ASTN1: variants seen among roughly 807,000 people sequenced by gnomAD.
ASTN1 encodes the protein astrotactin-1.
In ASTN1, 41 loss-of-function variants were observed where a neutral mutation model predicts 140.7. The ratio of observed to expected loss-of-function variants is 0.29; its 90% CI spans 0.23 to 0.38. ASTN1 has a LOEUF of 0.38. Among genes scored for constraint, ASTN1 ranks in the 10% least tolerant of loss-of-function variants. The pLI is 1.00. For synonymous variants in ASTN1, 640 were observed against 652.2 expected (o/e 0.98, Z 0.29); for missense variants, 1,479 against 1,678.8 (o/e 0.88, Z 2.08).
chr1:177,041,740 C>T (rs1232887053), intron 2 of ASTN1, among the ~76,000 whole-genome samples: 1 of 152,222 alleles, frequency 6.6e-6, no homozygotes, highest in African/African-American at 2.4e-5. Flanking sequence ...GCAGTATATG[C>T]TAATGACCAT....
At chr1:177,154,079 C>A (rs2102252316) in intron 1 of ASTN1, among the ~76,000 whole-genome samples, 1 of 152,204 alleles carries the variant, frequency 6.6e-6, no homozygotes, top group African/African-American at 2.4e-5. Context: ...TCTGCTCCTG[C>A]TATGTATCCC....
At chr1:177,135,928 C>A (rs951503208) in intron 1 of ASTN1, among the ~76,000 whole-genome samples, 21 of 152,172 alleles carry the variant, frequency 1.4e-4, no homozygotes, top group African/African-American at 5.1e-4. Flanking sequence ...ATTTTACAAG[C>A]ATTGTTCTAG....
chr1:176,950,233 C>T (rs1327764734), intron 11 of ASTN1, among the ~76,000 whole-genome samples: 1 of 152,206 alleles, frequency 6.6e-6, no homozygotes, highest in East Asian at 1.9e-4. Flanking sequence ...ATCCTCACAA[C>T]ACCCCCAGGA....
intron 14 of ASTN1, among the ~76,000 whole-genome samples, chr1:176,940,342 C>T (rs1236051052): frequency 6.6e-6 from 1 of 152,046 alleles, no homozygotes; most frequent in Non-Finnish European, 1.5e-5. Context: ...CCCAAGAAGC[C>T]AAAAAATAAC....
intron 1 of ASTN1, among the ~76,000 whole-genome samples, chr1:177,159,066 C>CAA (rs57759902): frequency 4.3e-4 from 32 of 74,566 alleles, no homozygotes; most frequent in Non-Finnish European, 6.4e-4. Context: ...GGATCCATCT[C>CAA]AAAAAAAAAA....
chr1:177,032,427 A>G (rs762571586), intron 3 of ASTN1, 29 bp downstream of exon 3: 2 of 1,600,554 alleles, frequency 1.2e-6, no homozygotes, highest in South Asian at 2.3e-5. Context: ...GAAGGACCAA[A>G]CAGCCCCTTG....
intron 1 of ASTN1, among the ~76,000 whole-genome samples, chr1:177,113,038 G>A (rs1242927062): frequency 1.3e-5 from 2 of 152,176 alleles, no homozygotes; most frequent in Non-Finnish European, 1.5e-5. Flanking sequence ...ACATAAGCAT[G>A]CACAGAGCCG....
intron 1 of ASTN1, among the ~76,000 whole-genome samples, chr1:177,083,420 G>A (rs1679274992): frequency 2.0e-5 from 3 of 151,970 alleles, no homozygotes; most frequent in African/African-American, 4.8e-5. Context: ...TCTTTTCTCT[G>A]TGCCAAATCA....
At chr1:176,895,833 G>A (rs973636832) in intron 16 of ASTN1, among the ~76,000 whole-genome samples, 1 of 152,146 alleles carries the variant, frequency 6.6e-6, no homozygotes, top group Non-Finnish European at 1.5e-5. Context: ...TGACAAAAAA[G>A]CACTGGGTTT....
intron 21 of ASTN1, among the ~76,000 whole-genome samples, chr1:176,869,343 G>GCC (rs1668250504): frequency 6.6e-6 from 1 of 151,992 alleles, no homozygotes; most frequent in Non-Finnish European, 1.5e-5. Context: ...GCCCCACCAG[G>GCC]CTTAAGTTTT....
At position 177,060,634 on chromosome 1, in the gene ASTN1, C is replaced by T. The variant is rs554404966; in HGVS notation, c.471+444G>A. ...CAAGCAATTCTCAGGTCTCAGCCTC[C>T]CAAGTAGCTGGGACTGCAGGTGTGC... On this transcript the variant is annotated intron_variant, in intron 2 of 22. Coordinates refer to ENST00000361833, the MANE Select transcript of ASTN1 (RefSeq NM_004319.3). 2.6e-5 allele frequency among the ~76,000 whole-genome samples: 4 copies of T among 152,228 alleles called. No homozygotes were observed. In the South Asian group the frequency reaches 6.2e-4, roughly 24 times the overall value.
At chr1:176,905,935 A>G (rs887448031) in intron 16 of ASTN1, among the ~76,000 whole-genome samples, 39 of 152,246 alleles carry the variant, frequency 2.6e-4, no homozygotes, top group African/African-American at 9.4e-4. Context: ...TGGTACAGAC[A>G]GCTGGACATG....
intron 8 of ASTN1, among the ~76,000 whole-genome samples, chr1:176,987,301 T>C (rs1347768659): frequency 6.6e-6 from 1 of 152,208 alleles, no homozygotes; most frequent in South Asian, 2.1e-4. Context: ...AAAGCAGCCA[T>C]GGCCAATATA....
At chr1:176,997,817 C>T (rs1674525847) in intron 8 of ASTN1, among the ~76,000 whole-genome samples, 3 of 151,986 alleles carry the variant, frequency 2.0e-5, no homozygotes, top group Admixed American at 2.0e-4. Flanking sequence ...AGAGGGCTTC[C>T]AATTGGGGAG....
Position 176,861,406 on chromosome 1 carries a change from G to T in ASTN1, c.*2878C>A. 1.0e-6 allele frequency: 1 copy of T among 985,770 alleles called. No homozygotes were observed. Among genetic ancestry groups the T allele is most frequent in the Non-Finnish European group, 1.2e-6 (1 of 829,910 alleles). The allele number at this position is 985,770 out of a possible 1,614,324, so 61.1% of individuals were successfully genotyped here. A position where few individuals can be genotyped will look rare whatever the true frequency, so the allele number is the denominator to read the frequency against. On this transcript the variant is annotated 3_prime_UTR_variant, in exon 23 of 23. Transcript: ENST00000361833. ...CATGGGAGCTGGGAGAGTGTTGGTGGGATATAAGCACCTCCCTTAAGACCT... is the reference window on the plus strand; with the variant it reads ...CATGGGAGCTGGGAGAGTGTTGGTGTGATATAAGCACCTCCCTTAAGACCT...
At chr1:176,886,685 C>T (rs1054558943) in intron 18 of ASTN1, among the ~76,000 whole-genome samples, 1 of 152,204 alleles carries the variant, frequency 6.6e-6, no homozygotes, top group South Asian at 2.1e-4. Flanking sequence ...CCTCTGATTT[C>T]TTCTTGCTCT....
intron 14 of ASTN1, among the ~76,000 whole-genome samples, chr1:176,940,109 G>C (rs1402389279): frequency 6.6e-6 from 1 of 152,128 alleles, no homozygotes; most frequent in African/African-American, 2.4e-5. Context: ...GCAGCCAGCA[G>C]CCTCCTCTAC....
intron 1 of ASTN1, among the ~76,000 whole-genome samples, chr1:177,095,143 C>G (rs1679967913): frequency 6.6e-6 from 1 of 152,112 alleles, no homozygotes; most frequent in African/African-American, 2.4e-5. Flanking sequence ...CTTAGCCTCT[C>G]TTGAGTGCTA....
intron 8 of ASTN1, among the ~76,000 whole-genome samples, chr1:176,998,725 T>C (rs1167059336): frequency 6.6e-6 from 1 of 152,186 alleles, no homozygotes; most frequent in Non-Finnish European, 1.5e-5. Flanking sequence ...CAAAGGAGGA[T>C]GTGAGAGGGA....
Sources: allele counts gnomAD v4.1 joint callset (sites outside exome capture counted in the v4.1 genomes callset), GRCh38; gene constraint gnomAD v4.1.1; transcripts MANE v1.5; gene names NCBI Gene and HGNC (gene_info 2026-07-23, HGNC 2026-07-21).